PRPF8: variants seen among roughly 807,000 people sequenced by gnomAD.
PRPF8 encodes pre-mRNA-processing-splicing factor 8.
Under a neutral mutation model 285.9 loss-of-function variants are expected in PRPF8, and 64 were observed. The observed-to-expected ratio is 0.22, with a 90% CI of 0.18 to 0.28. The LOEUF is 0.28. Ranked by LOEUF, PRPF8 falls within the 10% of genes least tolerant of loss-of-function variation. The probability of loss-of-function intolerance (pLI) is 1.00; values close to 1 mark genes in which losing one functional copy is unlikely to be tolerated. For missense variants in PRPF8, 1,426 were observed against 3,026.7 expected (o/e 0.47, Z 12.41); for synonymous variants, 1,325 against 1,118.2 (o/e 1.18, Z -3.69).
rs1567690522 is a variant in PRPF8, at chr17:1,679,197, G to T, written c.1419C>A (p.Phe473Leu). Residue 473 changes from phenylalanine (F) to leucine (L), a missense_variant, in exon 11 of 43, where the codon TTC (phenylalanine) becomes TTA (leucine). This residue lies in a region of PRPF8 where 137 missense variants were observed against 161.2 expected (regional missense o/e 0.85). Transcript: ENST00000304992. The surrounding 1 kb of genome is among the most constrained non-coding windows in gnomAD (Gnocchi z 4.7). Reference sequence around the variant, plus strand: ...AGAATTTGGTGGCTTTGAAGGAGCGGAACAAATACCTGAGGTGGGAACATG... The same window carrying T: ...AGAATTTGGTGGCTTTGAAGGAGCGTAACAAATACCTGAGGTGGGAACATG... Reference protein sequence around the residue: ...PPKAQKKRYLFRSFKATKFFQ... With the variant: ...PPKAQKKRYLLRSFKATKFFQ... 1.2e-6 allele frequency: 2 copies of T among 1,614,192 alleles called. No individual in the cohort carries two copies. The highest frequency in any genetic ancestry group is 1.7e-6 in the Non-Finnish European group (2 of 1,180,042).
At position 1,651,025 on chromosome 17, in the gene PRPF8, CCAGCCAGGCCCCAAGT is replaced by C; in HGVS notation, c.6853+67_6854-70del. On this transcript the variant is annotated intron_variant, in intron 42 of 42. Coordinates refer to ENST00000304992, the MANE Select transcript of PRPF8 (RefSeq NM_006445.4). The surrounding 1 kb of genome is among the most constrained non-coding windows in gnomAD (Gnocchi z 5.1). The stretch of plus-strand genomic sequence containing the variant: ...TCATGCAGCCTGCGCCACCTCCAAG[CCAGCCAGGCCCCAAGT>C]GCAAAGGGCGATGGCCTCACCTTAT... 6.2e-7 allele frequency: 1 copy of C among 1,613,988 alleles called. No homozygotes were observed. Among genetic ancestry groups the C allele is most frequent in the Non-Finnish European group, 8.5e-7 (1 of 1,179,828 alleles).
chr17:1,668,879 C>T (rs1912147265), intron 24 of PRPF8, among the ~76,000 whole-genome samples: 1 of 152,140 alleles, frequency 6.6e-6, no homozygotes, highest in Admixed American at 6.5e-5. Flanking sequence ...TCAGTTTCTT[C>T]AGCAATCATC....
chr17:1,656,960 T>TA (rs767805502), intron 34 of PRPF8, among the ~76,000 whole-genome samples, 199 bp from the exon 35 acceptor site: 4 of 152,026 alleles, frequency 2.6e-5, no homozygotes, highest in Non-Finnish European at 5.9e-5. Context: ...AACAAGACAA[T>TA]ACCACAAGCT....
rs1210682365 is a variant in PRPF8 at position 1,653,045 on chromosome 17, TCTC to T, written c.6369+494_6369+496del. The stretch of plus-strand genomic sequence containing the variant: ...ACCTCACCTCCCGGGTTCAAGCAAT[TCTC>T]CTGTCTCAACCTCCCTAGTAGCTGC... On this transcript the variant is annotated intron_variant, in intron 39 of 42. Transcript: ENST00000304992. The surrounding 1 kb of genome is among the most constrained non-coding windows in gnomAD (Gnocchi z 4.9). 1 of 236,090 alleles carries T rather than the reference TCTC, an allele frequency of 4.2e-6. No individual in the cohort carries two copies. The highest frequency in any genetic ancestry group is 1.0e-4 in the East Asian group (1 of 9,678). The allele number at this position is 236,090 out of a possible 1,614,324, so 14.6% of individuals were successfully genotyped here.
At position 1,653,072 on chromosome 17, in the gene PRPF8, G is replaced by C. The variant is rs34664122; in HGVS notation, c.6369+470C>G. ...TCCTGTCTCAACCTCCCTAGTAGCT[G>C]CAACTACGGGCGCATGCCACCATGC... On this transcript the variant is annotated intron_variant, in intron 39 of 42. Transcript: ENST00000304992. The surrounding 1 kb of genome is among the most constrained non-coding windows in gnomAD (Gnocchi z 4.9). The C allele has an allele frequency of 1.1e-5, 3 of 273,308 alleles. No individual in the cohort carries two copies. Among genetic ancestry groups the C allele is most frequent in the South Asian group, 3.8e-5 (1 of 26,382 alleles). The allele number at this position is 273,308 out of a possible 1,614,324, so 16.9% of individuals were successfully genotyped here.
intron 13 of PRPF8, among the ~76,000 whole-genome samples, chr17:1,678,107 G>A (rs745655937): frequency 1.3e-5 from 2 of 152,140 alleles, no homozygotes; most frequent in Non-Finnish European, 2.9e-5. Flanking sequence ...CTGAGGTCAG[G>A]AGTTCAAGAC....
In PRPF8 at chr17:1,662,073, C is replaced by T. The variant is rs774275393; in HGVS notation, c.3855G>A (p.Leu1285=). 6.2e-7 allele frequency: 1 copy of T among 1,614,058 alleles called. No individual in the cohort carries two copies. Among genetic ancestry groups the T allele is most frequent in the East Asian group, 2.2e-5 (1 of 44,888 alleles). ...REAVVNTQEL[L]DLLVKCENKI... ...TGTTCTCACACTTCACCAGTAAGTC[C>T]AAGAGCTCTTGGGTGTTCACCACAG... Residue 1285 remains leucine, a synonymous_variant, in exon 25 of 43, where the codon TTG becomes TTA. Transcript: ENST00000304992.
At chr17:1,678,406 TC>T in intron 13 of PRPF8, 111 bp downstream of exon 13, 1 of 1,374,252 alleles carries the variant, frequency 7.3e-7, no homozygotes, top group South Asian at 1.2e-5. Context: ...TTGCTTGAAC[TC>T]AGGAGGCGGA....
At chr17:1,654,229 C>T (rs903664633) in intron 37 of PRPF8, 2 of 686,990 alleles carry the variant, frequency 2.9e-6, no homozygotes, top group Non-Finnish European at 5.2e-6. Context: ...GCGTGTGCAC[C>T]TTCCCACTGT....
intron 30 of PRPF8, 108 bp from the exon 31 acceptor site, chr17:1,660,109 A>G: frequency 7.5e-7 from 1 of 1,339,698 alleles, no homozygotes; most frequent in Middle Eastern, 2.0e-4. Context: ...CAGAGCTTCC[A>G]GGGTGGATTT....
intron 24 of PRPF8, among the ~76,000 whole-genome samples, chr17:1,668,860 C>T (rs980224127): frequency 6.6e-6 from 1 of 152,220 alleles, no homozygotes; most frequent in Non-Finnish European, 1.5e-5. Flanking sequence ...ACACACCTTC[C>T]AATCCCTCTC....
chr17:1,675,203 G>A lies in PRPF8; in HGVS notation c.3009C>T (p.His1003=), dbSNP rs149785500. 7.9e-5 allele frequency: 127 copies of A among 1,614,062 alleles called. No homozygotes were observed. Among genetic ancestry groups the A allele is most frequent in the Non-Finnish European group, 1.0e-4 (120 of 1,180,036 alleles). ...LNRLLRLIVD[H]NIADYMTAKN... is the part of the protein sequence containing the mutation. ...TGGCTGTCATGTAGTCGGCTATGTT[G>A]TGGTCCACGATGAGGCGCAGCAGCC... The change falls in exon 20 of 43, where the codon CAC becomes CAT. Residue 1003 remains histidine (H), a synonymous_variant. Coordinates refer to ENST00000304992, the MANE Select transcript of PRPF8 (RefSeq NM_006445.4). The surrounding 1 kb of genome is among the most constrained non-coding windows in gnomAD (Gnocchi z 6.0).
intron 24 of PRPF8, among the ~76,000 whole-genome samples, chr17:1,663,001 A>G (rs770166631): frequency 2.6e-5 from 4 of 152,214 alleles, no homozygotes; most frequent in African/African-American, 7.2e-5. Context: ...AAAAAGAGTA[A>G]CAAAGTATTA....
At chr17:1,671,457 A>G (rs1360703297) in intron 24 of PRPF8, among the ~76,000 whole-genome samples, 1 of 152,116 alleles carries the variant, frequency 6.6e-6, no homozygotes, top group Admixed American at 6.6e-5. Context: ...GGTGACTCAC[A>G]CCTATAATCC....
chr17:1,652,541 GTTATGCATC>G (rs1911140379), intron 39 of PRPF8, among the ~76,000 whole-genome samples: 1 of 152,078 alleles, frequency 6.6e-6, no homozygotes, highest in Admixed American at 6.6e-5. Context: ...CACTAGTAAA[GTTATGCATC>G]TTTTCTCTTT....
rs1420220054 is a variant in PRPF8 at position 1,651,002 on chromosome 17, A to G, written c.6854-46T>C. On this transcript the variant is annotated intron_variant, in intron 42 of 42. Coordinates refer to ENST00000304992, the MANE Select transcript of PRPF8 (RefSeq NM_006445.4). This position sits in a 1 kb window ranked among gnomAD's most constrained non-coding sequence, Gnocchi z 5.1. Reference sequence around the variant, plus strand: ...CCAATGTTAACAGGGCTCCTGCCTCATGCAGCCTGCGCCACCTCCAAGCCA... The same window carrying G: ...CCAATGTTAACAGGGCTCCTGCCTCGTGCAGCCTGCGCCACCTCCAAGCCA... The G allele has an allele frequency of 6.2e-7, 1 of 1,614,172 alleles. No individual in the cohort carries two copies. Among genetic ancestry groups the G allele is most frequent in the Non-Finnish European group, 8.5e-7 (1 of 1,180,026 alleles).
chr17:1,654,009 C>T lies in PRPF8; in HGVS notation c.5995G>A (p.Val1999Met). The T allele has an allele frequency of 6.2e-7, 1 of 1,614,192 alleles. No individual in the cohort carries two copies. Among genetic ancestry groups the T allele is most frequent in the Non-Finnish European group, 8.5e-7 (1 of 1,180,044 alleles). The change falls in exon 38 of 43, where the codon GTG (valine) becomes ATG (methionine). Residue 1999 changes from valine (V) to methionine (M), a missense_variant. Transcript: ENST00000304992. ...ADYGKKNNVN[V>M]ASLTQSEIRD... The stretch of plus-strand genomic sequence containing the variant: ...ATTTCTGATTGTGTCAGTGATGCCA[C>T]GTTCACACTGTGGGGATGGTGTGGG...
At chr17:1,669,461 C>T (rs984381224) in intron 24 of PRPF8, among the ~76,000 whole-genome samples, 2 of 152,148 alleles carry the variant, frequency 1.3e-5, no homozygotes, top group Non-Finnish European at 2.9e-5. Context: ...AATTAAAACA[C>T]GCTCAAGTCA....
rs1042366415 is a variant in PRPF8 at position 1,659,175 on chromosome 17, A to G, written c.5138+182T>C. 8 of 722,602 alleles carry G rather than the reference A, an allele frequency of 1.1e-5. No individual in the cohort carries two copies. Among genetic ancestry groups the G allele is most frequent in the Non-Finnish European group, 1.7e-5 (7 of 415,522 alleles). The allele number at this position is 722,602 out of a possible 1,614,324, so 44.8% of individuals were successfully genotyped here. A position where few individuals can be genotyped will look rare whatever the true frequency, so the allele number is the denominator to read the frequency against. ...TGAGTAGCTGGGACTACAGGCGTGG[A>G]CCACCACGCCCAGCTAATTTTTTGT... On this transcript the variant is annotated intron_variant, in intron 32 of 42. Coordinates refer to ENST00000304992, the MANE Select transcript of PRPF8 (RefSeq NM_006445.4). The surrounding 1 kb of genome is among the most constrained non-coding windows in gnomAD (Gnocchi z 5.1).
Sources: gnomAD v4.1 joint callset for allele counts (sites outside exome capture counted in the v4.1 genomes callset) on GRCh38, gnomAD v4.1.1 for gene constraint, gnomAD v4.1.1 regional missense constraint, Gnocchi (gnomAD v3.1) non-coding constraint, MANE v1.5 for transcripts, NCBI Gene and HGNC (gene_info 2026-07-23, HGNC 2026-07-21) for gene names.